NCOR1: variants seen among roughly 807,000 people sequenced by gnomAD.
NCOR1 encodes protein phosphatase 1, regulatory subunit 109.
In NCOR1, 63 loss-of-function variants were observed where a neutral mutation model predicts 288.1. The observed-to-expected ratio is 0.22, with a 90% CI of 0.18 to 0.27. NCOR1 has a LOEUF of 0.27. Ranked by LOEUF, NCOR1 falls within the 10% of genes least tolerant of loss-of-function variation. The probability of loss-of-function intolerance (pLI) is 1.00; values close to 1 mark genes in which losing one functional copy is unlikely to be tolerated. For missense variants in NCOR1, 2,397 were observed against 3,019.2 expected (o/e 0.79, Z 4.83); for synonymous variants, 1,007 against 1,065.9 (o/e 0.94, Z 1.08).
Position 16,127,379 on chromosome 17 carries a change from A to ATACATGTGTATATG in NCOR1, c.1510-1174_1510-1173insCATATACACATGTA, listed in dbSNP as rs2074551332. ...TATGTATATATACATGTATGTATAT[A>ATACATGTGTATATG]TGTATGTATATATACATGTGTATAT... On this transcript the variant is annotated intron_variant, in intron 14 of 45. Transcript: ENST00000268712. Among the ~76,000 whole-genome samples the ATACATGTGTATATG allele has an allele frequency of 1.4e-4, 5 of 34,816 alleles. 1 individual carries two copies. The highest frequency in any genetic ancestry group is 8.0e-4 in the Admixed American group (3 of 3,734). 22.8% of individuals were successfully genotyped at this position (34,816 alleles called of 152,430 possible). A position where few individuals can be genotyped will look rare whatever the true frequency, so the allele number is the denominator to read the frequency against.
At chr17:16,166,960 C>T (rs1599768875) in intron 4 of NCOR1, among the ~76,000 whole-genome samples, 1 of 152,136 alleles carries the variant, frequency 6.6e-6, no homozygotes, top group Non-Finnish European at 1.5e-5. Context: ...CATTATGAGA[C>T]AGCGTACTCC....
chr17:16,194,168 GTATAAATATAGGTC>G (rs2089256690), intron 2 of NCOR1, among the ~76,000 whole-genome samples: 1 of 152,104 alleles, frequency 6.6e-6, no homozygotes, highest in African/African-American at 2.4e-5. Context: ...CAACTTGGGA[GTATAAATATAGGTC>G]TTACCCCAGA....
chr17:16,094,586 C>A (rs1292957683), intron 21 of NCOR1, among the ~76,000 whole-genome samples: 1 of 152,166 alleles, frequency 6.6e-6, no homozygotes. Flanking sequence ...CTCTCTCCTC[C>A]CCTTTCCATG....
intron 1 of NCOR1, among the ~76,000 whole-genome samples, chr17:16,196,923 A>C (rs1167040970): frequency 6.6e-6 from 1 of 152,082 alleles, no homozygotes; most frequent in Non-Finnish European, 1.5e-5. Context: ...AGGCTGAAGC[A>C]GGAGGATCAC....
At chr17:16,183,024 G>GA (rs1277388996) in intron 3 of NCOR1, among the ~76,000 whole-genome samples, 2 of 151,776 alleles carry the variant, frequency 1.3e-5, no homozygotes, top group Non-Finnish European at 2.9e-5. Flanking sequence ...GGAAAAGAAG[G>GA]AAAGTTCCTT....
chr17:16,048,793 A>G, intron 41 of NCOR1, 52 bp downstream of exon 41: 1 of 1,477,068 alleles, frequency 6.8e-7, no homozygotes, highest in Non-Finnish European at 9.1e-7. Context: ...GAAATGTTAA[A>G]GCATGAGCAC....
chr17:16,057,332 C>G (rs2060051018), intron 40 of NCOR1, 182 bp downstream of exon 40: 1 of 612,610 alleles, frequency 1.6e-6, no homozygotes, highest in African/African-American at 1.9e-5. Context: ...GTCATAGTAC[C>G]AAATGCCAAG....
chr17:16,038,803 ACT>A (rs1377378063), intron 44 of NCOR1, among the ~76,000 whole-genome samples: 1 of 149,926 alleles, frequency 6.7e-6, no homozygotes, highest in East Asian at 2.0e-4. Context: ...ACGGAGTCTC[ACT>A]CTGTTTCCAG....
chr17:16,149,293 A>ATATATC (rs2078502160), intron 9 of NCOR1, among the ~76,000 whole-genome samples, 158 bp downstream of exon 9: 1 of 20,548 alleles, frequency 4.9e-5, no homozygotes, highest in Non-Finnish European at 9.5e-5. Context: ...GATTTAAGTC[A>ATATATC]TATATATATA....
intron 2 of NCOR1, 60 bp downstream of exon 2, chr17:16,194,402 T>C: frequency 1.7e-6 from 2 of 1,171,206 alleles, no homozygotes; most frequent in Admixed American, 2.2e-5. Context: ...GTGTATTAAA[T>C]AGGAAAAGTA....
intron 19 of NCOR1, among the ~76,000 whole-genome samples, chr17:16,104,001 C>G (rs2068109333): frequency 6.6e-6 from 1 of 152,048 alleles, no homozygotes; most frequent in Non-Finnish European, 1.5e-5. Flanking sequence ...ACTCTGTACC[C>G]CCACCCCCCC....
At chr17:16,078,580 CT>C (rs11299070) in intron 26 of NCOR1, among the ~76,000 whole-genome samples, 77,021 of 148,116 alleles carry the variant, frequency 0.52, 20,081 homozygotes, top group Middle Eastern at 0.63. Flanking sequence ...TAAATGGAGA[CT>C]TTTTTTTTTT....
At chr17:16,167,239 C>T (rs549600491) in intron 4 of NCOR1, among the ~76,000 whole-genome samples, 1 of 151,838 alleles carries the variant, frequency 6.6e-6, no homozygotes, top group Non-Finnish European at 1.5e-5. Flanking sequence ...AACAAGAAAC[C>T]ACATCCTCAA....
At chr17:16,124,342 T>C (rs2073606412) in intron 15 of NCOR1, among the ~76,000 whole-genome samples, 1 of 152,186 alleles carries the variant, frequency 6.6e-6, no homozygotes, top group Non-Finnish European at 1.5e-5. Flanking sequence ...TCAATTTTTA[T>C]GTAATTCTAG....
chr17:16,176,934 T>C (rs1008873995), intron 3 of NCOR1, among the ~76,000 whole-genome samples: 1 of 152,062 alleles, frequency 6.6e-6, no homozygotes. Flanking sequence ...TCCTTAACTT[T>C]ATGGGGAATT....
At chr17:16,179,897 G>A (rs2085025364) in intron 3 of NCOR1, among the ~76,000 whole-genome samples, 1 of 145,010 alleles carries the variant, frequency 6.9e-6, no homozygotes, top group Admixed American at 7.1e-5. Context: ...GGCAGAGCTT[G>A]CAGTGAGCCA....
intron 1 of NCOR1, among the ~76,000 whole-genome samples, chr17:16,198,985 G>A (rs2090344728): frequency 6.6e-6 from 1 of 151,802 alleles, no homozygotes; most frequent in African/African-American, 2.4e-5. Context: ...ATTTTTTAAT[G>A]CACATTGTTT....
Position 16,057,887 on chromosome 17 carries a change from A to G in NCOR1, c.6168+20T>C. 6.4e-7 allele frequency: 1 copy of G among 1,568,442 alleles called. No homozygotes were observed. Among genetic ancestry groups the G allele is most frequent in the South Asian group, 1.2e-5 (1 of 80,726 alleles). ...GATCAAAAAAGAAAAATTAACTAAT[A>G]AGAATAATGAAAAACTTACACAGAT... On this transcript the variant is annotated intron_variant, in intron 39 of 45. Transcript: ENST00000268712.
intron 21 of NCOR1, among the ~76,000 whole-genome samples, chr17:16,094,196 C>T (rs1445449966): frequency 3.3e-5 from 5 of 152,134 alleles, no homozygotes; most frequent in African/African-American, 4.8e-5. Context: ...TGAGCCACCA[C>T]GCCCAGCCTC....
Sources: allele counts gnomAD v4.1 joint callset (sites outside exome capture counted in the v4.1 genomes callset), GRCh38; gene constraint gnomAD v4.1.1; transcripts MANE v1.5; gene names NCBI Gene and HGNC (gene_info 2026-07-23, HGNC 2026-07-21).